EXT2: variants seen among roughly 807,000 people sequenced by gnomAD.
EXT2 encodes the protein exostosin glycosyltransferase 2, also known as exostosin-2.
Under a neutral mutation model 81.6 loss-of-function variants are expected in EXT2, and 53 were observed. That is an observed-to-expected ratio of 0.65 (90% CI 0.52 to 0.82). EXT2 has a LOEUF of 0.82. Among genes scored for constraint, EXT2 ranks in the 40% least tolerant of loss-of-function variants. The pLI is 0.00. For missense variants in EXT2, 774 were observed against 910.2 expected, an observed-to-expected ratio of 0.85 and a Z score of 1.93; for synonymous variants, 320 against 340.0, an observed-to-expected ratio of 0.94 and a Z score of 0.65.
intron 8 of EXT2, among the ~76,000 whole-genome samples, chr11:44,185,486 C>T (rs550608918): frequency 6.6e-6 from 1 of 152,126 alleles, no homozygotes; most frequent in African/African-American, 2.4e-5. Context: ...ATTCTTGTTT[C>T]CAATAAAAGG....
chr11:44,226,940 AC>A (rs1955844364), intron 10 of EXT2, among the ~76,000 whole-genome samples: 1 of 152,164 alleles, frequency 6.6e-6, no homozygotes, highest in Admixed American at 6.5e-5. Flanking sequence ...TATAGACTGC[AC>A]CCCCAATTCC....
chr11:44,184,204 G>T (rs1388530206), intron 8 of EXT2, among the ~76,000 whole-genome samples: 1 of 152,230 alleles, frequency 6.6e-6, no homozygotes, highest in East Asian at 1.9e-4. Context: ...AGCTGACTTG[G>T]TTACGAAGCA....
At chr11:44,202,117 A>G (rs555839387) in intron 9 of EXT2, among the ~76,000 whole-genome samples, 2 of 152,330 alleles carry the variant, frequency 1.3e-5, no homozygotes, top group East Asian at 3.9e-4. Flanking sequence ...AAAAGTAACC[A>G]TGTATCTTAA....
intron 4 of EXT2, 148 bp downstream of exon 4, chr11:44,114,449 A>C (rs1411498601): frequency 2.6e-6 from 2 of 769,140 alleles, no homozygotes; most frequent in Non-Finnish European, 4.7e-6. Flanking sequence ...TCCCACCTCC[A>C]TGCAGTCTCA....
chr11:44,241,180 TGTTA>T (rs1250244021), intron 13 of EXT2, among the ~76,000 whole-genome samples: 2 of 152,134 alleles, frequency 1.3e-5, no homozygotes, highest in Non-Finnish European at 2.9e-5. Flanking sequence ...CAGGATCCGC[TGTTA>T]GTTCTTTAAG....
intron 10 of EXT2, among the ~76,000 whole-genome samples, chr11:44,223,173 G>C (rs1046450553): frequency 2.1e-4 from 32 of 152,278 alleles, no homozygotes; most frequent in African/African-American, 7.5e-4. Flanking sequence ...CTCATATATT[G>C]TTTTTGGAAA....
intron 4 of EXT2, among the ~76,000 whole-genome samples, chr11:44,123,466 A>G (rs1445210421): frequency 6.6e-6 from 1 of 152,150 alleles, no homozygotes; most frequent in Non-Finnish European, 1.5e-5. Flanking sequence ...TTCCTGGAAC[A>G]TGCTTTCTGT....
Position 44,104,402 on chromosome 11 carries a change from G to C in EXT2, c.-30-3281G>C, listed in dbSNP as rs541865996. Among the ~76,000 whole-genome samples the C allele has an allele frequency of 3.6e-4, 54 of 151,870 alleles. 1 individual carries two copies. The highest frequency in any genetic ancestry group is 1.3e-3 in the African/African-American group (52 of 41,422). On this transcript the variant is annotated intron_variant, in intron 1 of 13. Coordinates refer to ENST00000533608, the MANE Select transcript of EXT2 (RefSeq NM_207122.2). ...CACAATATAACATATATTTCTTACT[G>C]TCAATTTTAGTTTAAAAAAAGTTTT...
chr11:44,204,731 G>A (rs750642077), intron 9 of EXT2, among the ~76,000 whole-genome samples: 3 of 152,144 alleles, frequency 2.0e-5, no homozygotes, highest in African/African-American at 7.2e-5. Context: ...CGCCCCTTAC[G>A]AGAATCTAAT....
chr11:44,239,046 G>A (rs964432972), intron 13 of EXT2, among the ~76,000 whole-genome samples: 7 of 152,308 alleles, frequency 4.6e-5, no homozygotes, highest in Non-Finnish European at 1.0e-4. Context: ...TTGGAGAAAA[G>A]ACTAGTTAGA....
chr11:44,183,819 C>CT (rs1183170213), intron 8 of EXT2, among the ~76,000 whole-genome samples: 1 of 152,158 alleles, frequency 6.6e-6, no homozygotes, highest in Non-Finnish European at 1.5e-5. Context: ...TTCATAGCAT[C>CT]TTTTTTTCTC....
chr11:44,110,029 C>T (rs114482095), intron 3 of EXT2, among the ~76,000 whole-genome samples: 9 of 152,252 alleles, frequency 5.9e-5, no homozygotes, highest in Non-Finnish European at 8.8e-5. Flanking sequence ...AATATATAAG[C>T]GTCGCGGGCA....
intron 1 of EXT2, among the ~76,000 whole-genome samples, chr11:44,106,798 T>A (rs995780484): frequency 6.6e-6 from 1 of 152,144 alleles, no homozygotes. Flanking sequence ...CCTGGCTAAT[T>A]TTTGTATTTT....
intron 10 of EXT2, among the ~76,000 whole-genome samples, chr11:44,231,564 T>C (rs1334246697): frequency 1.3e-5 from 2 of 152,080 alleles, no homozygotes; most frequent in Non-Finnish European, 2.9e-5. Flanking sequence ...AAGAAGAGAA[T>C]AGAGCCTAGG....
intron 4 of EXT2, among the ~76,000 whole-genome samples, chr11:44,121,753 T>G (rs936063916): frequency 1.6e-4 from 25 of 152,030 alleles, no homozygotes; most frequent in Admixed American, 6.5e-5. Flanking sequence ...TTGGGCACCC[T>G]TCTCAGCCTG....
In EXT2 at chr11:44,119,155, T is replaced by C. The variant is rs1349018033; in HGVS notation, c.743+4854T>C. 9.7e-4 allele frequency among the ~76,000 whole-genome samples: 44 copies of C among 45,264 alleles called. 3 individuals carry two copies. Among genetic ancestry groups the C allele is most frequent in the Non-Finnish European group, 1.6e-3 (32 of 20,068 alleles). The allele number at this position is 45,264 out of a possible 152,430, so 29.7% of individuals were successfully genotyped here. On this transcript the variant is annotated intron_variant, in intron 4 of 13. Coordinates refer to ENST00000533608, the MANE Select transcript of EXT2 (RefSeq NM_207122.2). ...ATATATATATATATATATATATATA[T>C]ATATATATATATATACACATACACA...
intron 7 of EXT2, among the ~76,000 whole-genome samples, chr11:44,148,456 T>C (rs1954750093): frequency 6.6e-6 from 1 of 152,176 alleles, no homozygotes; most frequent in Non-Finnish European, 1.5e-5. Context: ...TTGATTCCTT[T>C]AGGAATCTGT....
At chr11:44,241,666 CA>C (rs1398780134) in intron 13 of EXT2, among the ~76,000 whole-genome samples, 4 of 152,186 alleles carry the variant, frequency 2.6e-5, no homozygotes, top group African/African-American at 9.7e-5. Flanking sequence ...CTTCCCCAGA[CA>C]CCTTCATCAC....
intron 10 of EXT2, among the ~76,000 whole-genome samples, chr11:44,215,893 G>C (rs537439790): frequency 1.7e-4 from 24 of 143,754 alleles, no homozygotes; most frequent in Non-Finnish European, 3.0e-4. Context: ...TTTTTGAGAC[G>C]GAGTCTCGCT....
Sources: allele counts gnomAD v4.1 joint callset (sites outside exome capture counted in the v4.1 genomes callset), GRCh38; gene constraint gnomAD v4.1.1; transcripts MANE v1.5; gene names NCBI Gene and HGNC (gene_info 2026-07-23, HGNC 2026-07-21).